The following KDM7A variants were observed in gnomAD, a reference collection of about 807,000 sequenced individuals.
KDM7A encodes the protein lysine demethylase 7A.
KDM7A carries 28 observed loss-of-function variants against 114.8 expected under a neutral mutation model. The ratio of observed to expected loss-of-function variants is 0.24; its 90% confidence interval spans 0.18 to 0.33. The LOEUF is 0.33. KDM7A is among the 10% of genes least tolerant of loss of function. The pLI is 1.00. For synonymous variants in KDM7A, 423 were observed against 397.8 expected, an observed-to-expected ratio of 1.06 and a Z score of -0.75; for missense variants, 942 against 1,142.5, an observed-to-expected ratio of 0.82 and a Z score of 2.53.
At position 140,135,051 on chromosome 7, in the gene KDM7A, AAC is replaced by A. The variant is rs1491457990; in HGVS notation, c.281-1397_281-1396del. On this transcript the variant is annotated intron_variant, in intron 2 of 19. Coordinates refer to ENST00000397560, the MANE Select transcript of KDM7A (RefSeq NM_030647.2). ...GTAAGTCCCATTAAAAAAAAAAAAA[AAC>A]AAACTCACAAAAATTTAGAATCACA... is the stretch of plus-strand genomic sequence containing the variant. 2.4e-3 allele frequency among the ~76,000 whole-genome samples: 200 copies of A among 83,664 alleles called. 1 individual carries two copies. Among genetic ancestry groups the A allele is most frequent in the African/African-American group, 2.8e-3 (70 of 24,918 alleles). 54.9% of individuals were successfully genotyped at this position (83,664 alleles called of 152,430 possible).
intron 9 of KDM7A, among the ~76,000 whole-genome samples, chr7:140,115,282 G>A (rs969346255): frequency 6.6e-5 from 10 of 152,222 alleles, no homozygotes; most frequent in South Asian, 2.1e-4. Flanking sequence ...CCGCCACCCC[G>A]TCTGGGAGGT....
At chr7:140,097,701 T>A (rs1277213615) in intron 14 of KDM7A, 59 bp from the exon 15 acceptor site, 1 of 968,950 alleles carries the variant, frequency 1.0e-6, no homozygotes, top group African/African-American at 1.6e-5. Context: ...ATGAACAAGG[T>A]GACAAGATGG....
At chr7:140,093,991 GA>G (rs1161735638) in intron 18 of KDM7A, 64 bp downstream of exon 18, 29 of 1,012,410 alleles carry the variant, frequency 2.9e-5, no homozygotes, top group Non-Finnish European at 2.4e-5. Flanking sequence ...TTTTAAAAAA[GA>G]AAGCAAAAAC....
rs939709336 is a variant in KDM7A at position 140,173,003 on chromosome 7, C to T, written c.194+3741G>A. 4.6e-5 allele frequency among the ~76,000 whole-genome samples: 7 copies of T among 152,138 alleles called. No homozygotes were observed. In the East Asian group the frequency reaches 1.2e-3, roughly 25 times the overall value. ...AAAAATGCGATTAAAGACTAATAAA[C>T]GGTGTTTACATTCTAACAGGAAGAA... On this transcript the variant is annotated intron_variant, in intron 1 of 19. Transcript: ENST00000397560.
At chr7:140,149,465 A>G (rs959209812) in intron 1 of KDM7A, among the ~76,000 whole-genome samples, 7 of 152,180 alleles carry the variant, frequency 4.6e-5, no homozygotes, top group Non-Finnish European at 1.0e-4. Flanking sequence ...AGAATGTTCT[A>G]AAGAAGGAGG....
At position 140,099,016 on chromosome 7, in the gene KDM7A, A is replaced by G. The variant is rs1330217054; in HGVS notation, c.1781T>C (p.Phe594Ser). The change falls in exon 14 of 20, where the codon TTT becomes TCT. Residue 594 changes from phenylalanine (F) to serine (S), a missense_variant. Transcript: ENST00000397560. ...TGCTGTATAAAGACTTTGATCTGCA[A>G]AGGGCTGCCTTTCATCTCTGTATTA... The part of the protein sequence containing the change: ...GRIIKDERQP[F>S]ADQSLYTADS... 9 of 1,612,326 alleles carry G rather than the reference A, an allele frequency of 5.6e-6. No individual in the cohort carries two copies. The highest frequency in any genetic ancestry group is 7.6e-6 in the Non-Finnish European group (9 of 1,179,466).
chr7:140,097,131 C>A, intron 15 of KDM7A, 84 bp from the exon 16 acceptor site: 1 of 952,160 alleles, frequency 1.1e-6, no homozygotes, highest in South Asian at 1.7e-5. Flanking sequence ...TTTTATACAT[C>A]TAGAGAAAGT....
intron 11 of KDM7A, among the ~76,000 whole-genome samples, chr7:140,103,929 A>G (rs546712181): frequency 6.6e-6 from 1 of 152,326 alleles, no homozygotes; most frequent in South Asian, 2.1e-4. Flanking sequence ...TCACAACAAC[A>G]GTGTAAAAGT....
intron 12 of KDM7A, among the ~76,000 whole-genome samples, chr7:140,100,741 TACATATA>T (rs1818209504): frequency 4.4e-5 from 2 of 45,586 alleles, no homozygotes; most frequent in African/African-American, 1.5e-4. Context: ...TATATATATA[TACATATA>T]TATTTTTTTG....
intron 1 of KDM7A, among the ~76,000 whole-genome samples, chr7:140,143,961 A>G (rs1381905508): frequency 1.3e-5 from 2 of 152,350 alleles, no homozygotes; most frequent in South Asian, 4.1e-4. Context: ...TAAATTTCCA[A>G]TTCAATAAAT....
rs776130962 is a variant in KDM7A at position 140,099,048 on chromosome 7, A to G, written c.1764-15T>C. Reference sequence around the variant, plus strand: ...GCCTTTCATCTCTGTATTAAGAAGGAAAAGTAATCAGAATATAGTGCAAGA... The same window carrying G: ...GCCTTTCATCTCTGTATTAAGAAGGGAAAGTAATCAGAATATAGTGCAAGA... On this transcript the variant is annotated splice_polypyrimidine_tract_variant and intron_variant, in intron 13 of 19. Coordinates refer to ENST00000397560, the MANE Select transcript of KDM7A (RefSeq NM_030647.2). The G allele has an allele frequency of 2.3e-5, 37 of 1,595,180 alleles. No homozygotes were observed. The East Asian group carries it at 8.0e-4, about 35-fold the overall frequency.
intron 12 of KDM7A, among the ~76,000 whole-genome samples, chr7:140,101,519 T>C (rs138731912): frequency 1.6e-3 from 250 of 152,236 alleles, no homozygotes; most frequent in Admixed American, 2.7e-3. Context: ...CTTTACCCCA[T>C]CCCCCTTTAT....
In KDM7A at chr7:140,087,909, G is replaced by A. The variant is rs1817957027; in HGVS notation, c.*3185C>T. On this transcript the variant is annotated 3_prime_UTR_variant, in exon 20 of 20. Coordinates refer to ENST00000397560, the MANE Select transcript of KDM7A (RefSeq NM_030647.2). ...TTTGCTTAGAAGTGAAAATAATACTGCTAATTTCCTGGAGAAGATACCTTC... is the reference window on the plus strand; with the variant it reads ...TTTGCTTAGAAGTGAAAATAATACTACTAATTTCCTGGAGAAGATACCTTC... The A allele has an allele frequency of 1.3e-5, 2 of 152,232 alleles. No homozygotes were observed. Among genetic ancestry groups the A allele is most frequent in the African/African-American group, 4.8e-5 (2 of 41,532 alleles). The allele number at this position is 152,232 out of a possible 1,614,324, so 9.4% of individuals were successfully genotyped here.
At chr7:140,170,871 A>G (rs6949450) in intron 1 of KDM7A, among the ~76,000 whole-genome samples, 10,580 of 152,214 alleles carry the variant, frequency 0.07, 416 homozygotes, top group Non-Finnish European at 0.09. Flanking sequence ...CAATGACAAA[A>G]CACAAGAGGC....
At chr7:140,155,011 G>A (rs1376645049) in intron 1 of KDM7A, among the ~76,000 whole-genome samples, 1 of 152,082 alleles carries the variant, frequency 6.6e-6, no homozygotes, top group Non-Finnish European at 1.5e-5. Context: ...CTAAAATGGT[G>A]ACAGCATTAC....
chr7:140,108,121 A>C lies in KDM7A; in HGVS notation c.1428+2974T>G, dbSNP rs965073897. On this transcript the variant is annotated intron_variant, in intron 11 of 19. Coordinates refer to ENST00000397560, the MANE Select transcript of KDM7A (RefSeq NM_030647.2). ...TTCTTTTGCCATGGTTTTCAGCTCC[A>C]TCAGGTCATTTAAGGTTTTCTCTGT... Among the ~76,000 whole-genome samples, 3 of 151,962 alleles carry C rather than the reference A, an allele frequency of 2.0e-5. No individual in the cohort carries two copies. In the South Asian group the frequency reaches 6.2e-4, roughly 32 times the overall value.
At chr7:140,095,926 A>T (rs1358191158) in intron 17 of KDM7A, among the ~76,000 whole-genome samples, 2 of 152,156 alleles carry the variant, frequency 1.3e-5, no homozygotes, top group Admixed American at 6.5e-5. Flanking sequence ...AGTGAAATGG[A>T]TGTCAAGCTC....
intron 1 of KDM7A, among the ~76,000 whole-genome samples, chr7:140,154,192 T>A (rs892712975): frequency 5.3e-5 from 8 of 151,940 alleles, no homozygotes; most frequent in Non-Finnish European, 1.0e-4. Flanking sequence ...ACATTTTTTT[T>A]AAAAGTGTCC....
At chr7:140,133,137 TGGAG>T (rs1156314832) in intron 3 of KDM7A, among the ~76,000 whole-genome samples, 1 of 151,998 alleles carries the variant, frequency 6.6e-6, no homozygotes, top group Non-Finnish European at 1.5e-5. Flanking sequence ...ATAAAAGCAA[TGGAG>T]AAAAAGCAGA....
Sources: allele counts gnomAD v4.1 joint callset (sites outside exome capture counted in the v4.1 genomes callset), GRCh38; gene constraint gnomAD v4.1.1; transcripts MANE v1.5; gene names NCBI Gene and HGNC (gene_info 2026-07-23, HGNC 2026-07-21).